Variants in CSNK1G3 observed in about 807,000 individuals in gnomAD.
The protein encoded by CSNK1G3 is casein kinase 1 gamma 3.
Under a neutral mutation model 64.3 loss-of-function variants are expected in CSNK1G3, and 23 were observed. The ratio of observed to expected loss-of-function variants is 0.36; its 90% CI spans 0.26 to 0.51. The LOEUF (loss-of-function observed/expected upper bound fraction) is 0.51, where lower values mean the gene tolerates loss of function less well. CSNK1G3 is among the 20% of genes least tolerant of loss of function. The probability of loss-of-function intolerance (pLI) is 0.96; values close to 1 mark genes in which losing one functional copy is unlikely to be tolerated. For missense variants in CSNK1G3, 357 were observed against 510.5 expected, an observed-to-expected ratio of 0.70 and a Z score of 2.90; for synonymous variants, 158 against 162.2, an observed-to-expected ratio of 0.97 and a Z score of 0.20.
At chr5:123,611,717 A>T (rs1796370095) in intron 12 of CSNK1G3, among the ~76,000 whole-genome samples, 1 of 152,240 alleles carries the variant, frequency 6.6e-6, no homozygotes, top group Non-Finnish European at 1.5e-5. Context: ...ATTTGAAAGG[A>T]TAGTGTTTAA....
intron 1 of CSNK1G3, among the ~76,000 whole-genome samples, chr5:123,518,502 C>T (rs914279407): frequency 6.6e-6 from 1 of 152,212 alleles, no homozygotes; most frequent in Admixed American, 6.5e-5. Flanking sequence ...AGCAAGATCA[C>T]ATCTAGACAT....
chr5:123,546,050 GA>G, intron 2 of CSNK1G3: 1 of 484,080 alleles, frequency 2.1e-6, no homozygotes, highest in Non-Finnish European at 3.7e-6. Context: ...TAGCCATCCA[GA>G]GATTGACTAT....
chr5:123,567,148 C>T (rs1232476413), intron 4 of CSNK1G3, among the ~76,000 whole-genome samples: 5 of 152,188 alleles, frequency 3.3e-5, no homozygotes, highest in African/African-American at 1.2e-4. Flanking sequence ...TTTTGAGACT[C>T]ATTCACTATT....
intron 2 of CSNK1G3, among the ~76,000 whole-genome samples, chr5:123,548,866 A>G (rs1561497799): frequency 6.6e-6 from 1 of 152,240 alleles, no homozygotes; most frequent in African/African-American, 2.4e-5. Flanking sequence ...TTTTATAGAC[A>G]TAATGACATT....
chr5:123,571,412 T>G (rs1788078400), intron 4 of CSNK1G3, among the ~76,000 whole-genome samples: 1 of 152,112 alleles, frequency 6.6e-6, no homozygotes, highest in Non-Finnish European at 1.5e-5. Context: ...GCCTCCCGAG[T>G]AGCTGGGACT....
intron 4 of CSNK1G3, among the ~76,000 whole-genome samples, chr5:123,567,337 A>G (rs1293925311): frequency 6.6e-6 from 1 of 152,166 alleles, no homozygotes; most frequent in African/African-American, 2.4e-5. Flanking sequence ...GTGGTGGCTC[A>G]CGCCTGTAAT....
chr5:123,550,201 G>C (rs963277696), intron 2 of CSNK1G3, among the ~76,000 whole-genome samples: 19 of 152,128 alleles, frequency 1.2e-4, no homozygotes, highest in Admixed American at 6.5e-5. Context: ...TCAAGCAAAT[G>C]GTTTATTTTC....
In CSNK1G3 at chr5:123,517,525, A is replaced by G. The variant is rs537878230; in HGVS notation, c.-248+4955A>G. The stretch of plus-strand genomic sequence containing the variant: ...GTTAAATAATTTTAAATGATTAGGG[A>G]AAAAAAAACAAAAAACACCTAACGA... On this transcript the variant is annotated intron_variant, in intron 1 of 12. Transcript: ENST00000345990. Among the ~76,000 whole-genome samples the G allele has an allele frequency of 1.1e-3, 171 of 151,002 alleles. 1 individual carries two copies. The highest frequency in any genetic ancestry group is 4.6e-4 in the Non-Finnish European group (31 of 67,664).
intron 1 of CSNK1G3, among the ~76,000 whole-genome samples, 178 bp from the exon 2 acceptor site, chr5:123,545,236 TTTG>T (rs1264780812): frequency 5.3e-5 from 8 of 152,148 alleles, no homozygotes; most frequent in Admixed American, 1.3e-4. Flanking sequence ...GTTTCGTATC[TTTG>T]TTATTAAGGT....
At chr5:123,611,228 A>G (rs1796276849) in intron 12 of CSNK1G3, among the ~76,000 whole-genome samples, 3 of 152,210 alleles carry the variant, frequency 2.0e-5, no homozygotes, top group South Asian at 4.1e-4. Flanking sequence ...TTCTGTAAGT[A>G]TATCGTATTT....
chr5:123,569,904 CCTT>C (rs1193790678), intron 4 of CSNK1G3, among the ~76,000 whole-genome samples: 2 of 152,082 alleles, frequency 1.3e-5, no homozygotes, highest in Admixed American at 1.3e-4. Flanking sequence ...GATTTAGAAA[CCTT>C]CTATTCCAAA....
chr5:123,594,324 A>T (rs960459156), intron 10 of CSNK1G3, among the ~76,000 whole-genome samples: 3 of 152,116 alleles, frequency 2.0e-5, no homozygotes, highest in Admixed American at 6.5e-5. Flanking sequence ...TTGCCAAGGG[A>T]TCTAAAAACA....
At chr5:123,535,895 T>G (rs546995236) in intron 1 of CSNK1G3, among the ~76,000 whole-genome samples, 3 of 152,162 alleles carry the variant, frequency 2.0e-5, no homozygotes, top group African/African-American at 7.2e-5. Flanking sequence ...CACTTGACTC[T>G]GGATCCTCTT....
chr5:123,563,667 C>T (rs1375629950), intron 4 of CSNK1G3, among the ~76,000 whole-genome samples: 5 of 151,926 alleles, frequency 3.3e-5, no homozygotes, highest in Non-Finnish European at 5.9e-5. Flanking sequence ...GGGTATAAAC[C>T]ATTCAGTAGT....
At chr5:123,574,052 T>C (rs1010326078) in intron 5 of CSNK1G3, among the ~76,000 whole-genome samples, 1 of 152,106 alleles carries the variant, frequency 6.6e-6, no homozygotes, top group African/African-American at 2.4e-5. Context: ...GGTTTCACCA[T>C]GTTAGTCAGG....
At chr5:123,583,149 C>T (rs1287015354) in intron 6 of CSNK1G3, among the ~76,000 whole-genome samples, 6 of 152,260 alleles carry the variant, frequency 3.9e-5, no homozygotes, top group African/African-American at 1.4e-4. Context: ...TATTGAGTTC[C>T]TCTCCATAAC....
At chr5:123,597,831 C>T (rs945466968) in intron 10 of CSNK1G3, among the ~76,000 whole-genome samples, 3 of 152,092 alleles carry the variant, frequency 2.0e-5, no homozygotes, top group Admixed American at 6.6e-5. Context: ...AACAATTCCT[C>T]TACCTTATGG....
intron 10 of CSNK1G3, among the ~76,000 whole-genome samples, chr5:123,598,575 A>G (rs1419966880): frequency 6.6e-6 from 1 of 152,130 alleles, no homozygotes; most frequent in Non-Finnish European, 1.5e-5. Flanking sequence ...AGAGAGGAGT[A>G]TACCAGGCAG....
chr5:123,530,711 T>A (rs1779779450), intron 1 of CSNK1G3, among the ~76,000 whole-genome samples: 1 of 152,190 alleles, frequency 6.6e-6, no homozygotes, highest in South Asian at 2.1e-4. Context: ...TTAATAGGAA[T>A]GTACAAAGAT....
Sources: gnomAD v4.1 joint callset for allele counts (sites outside exome capture counted in the v4.1 genomes callset) on GRCh38, gnomAD v4.1.1 for gene constraint, MANE v1.5 for transcripts, NCBI Gene and HGNC (gene_info 2026-07-23, HGNC 2026-07-21) for gene names.